The following GHRHR variants were observed in gnomAD, a reference collection of about 807,000 sequenced individuals.
GHRHR encodes growth hormone-releasing hormone receptor.
In GHRHR, 40 loss-of-function variants were observed where a neutral mutation model predicts 58.3. The observed-to-expected ratio is 0.69, with a 90% CI of 0.53 to 0.89. The LOEUF is 0.89. GHRHR is among the 40% of genes least tolerant of loss of function. GHRHR has a pLI of 0.00. For missense variants in GHRHR, 551 were observed against 541.3 expected, an observed-to-expected ratio of 1.02 and a Z score of -0.18; for synonymous variants, 249 against 216.6, an observed-to-expected ratio of 1.15 and a Z score of -1.31.
chr7:30,979,114 T>G lies in GHRHR; in HGVS notation c.1147-5T>G. On this transcript the variant is annotated splice_polypyrimidine_tract_variant and splice_region_variant and intron_variant, in intron 12 of 12. Coordinates refer to ENST00000326139, the MANE Select transcript of GHRHR (RefSeq NM_000823.4). ...TTCCTAACGTCCTCTTCCTTGTCCCTGGAGGTGAGGACTGAGATCTCACGG... is the reference window on the plus strand; with the variant it reads ...TTCCTAACGTCCTCTTCCTTGTCCCGGGAGGTGAGGACTGAGATCTCACGG... 1 of 1,613,494 alleles carries G rather than the reference T, an allele frequency of 6.2e-7. No homozygotes were observed. Among genetic ancestry groups the G allele is most frequent in the African/African-American group, 1.3e-5 (1 of 75,042 alleles).
chr7:30,975,926 G>A (rs1792568245), intron 10 of GHRHR, 58 bp downstream of exon 10: 3 of 956,196 alleles, frequency 3.1e-6, no homozygotes, highest in East Asian at 2.4e-5. Flanking sequence ...GGGATTCAAT[G>A]TGTCTGTCTC....
At chr7:30,978,992 G>A in intron 12 of GHRHR, 127 bp from the exon 13 acceptor site, 1 of 879,778 alleles carries the variant, frequency 1.1e-6, no homozygotes, top group South Asian at 1.3e-5. Context: ...CTGTTGCCAA[G>A]CATGACTTTT....
chr7:30,976,658 A>T (rs1792591070), intron 11 of GHRHR, 100 bp downstream of exon 11: 1 of 971,958 alleles, frequency 1.0e-6, no homozygotes, highest in Admixed American at 2.0e-5. Flanking sequence ...GGTGAGGGCT[A>T]TGTTTTTCAT....
At chr7:30,973,399 T>C (rs1032464688) in intron 6 of GHRHR, among the ~76,000 whole-genome samples, 2 of 152,244 alleles carry the variant, frequency 1.3e-5, no homozygotes, top group Admixed American at 6.5e-5. Context: ...AGCATCACTT[T>C]AATCCCATTT....
rs761056409 is a variant in GHRHR at position 30,969,054 on chromosome 7, T to C, written c.161-9T>C. ...GCTGAGTCTCTGCTGCTCCTGGCTC[T>C]CTATCCAGGCTGCCCTGCGACCTGG... On this transcript the variant is annotated splice_polypyrimidine_tract_variant and intron_variant, in intron 2 of 12. Coordinates refer to ENST00000326139, the MANE Select transcript of GHRHR (RefSeq NM_000823.4). The C allele has an allele frequency of 6.4e-7, 1 of 1,573,996 alleles. No homozygotes were observed. Among genetic ancestry groups the C allele is most frequent in the South Asian group, 1.2e-5 (1 of 86,284 alleles).
At chr7:30,971,061 C>G (rs1584413105) in intron 4 of GHRHR, 58 bp from the exon 5 acceptor site, 2 of 781,730 alleles carry the variant, frequency 2.6e-6, no homozygotes, top group East Asian at 5.3e-5. Flanking sequence ...ATTGTCAAGC[C>G]TCTCTTTCCT....
chr7:30,964,220 C>T, intron 1 of GHRHR, 95 bp downstream of exon 1: 1 of 1,106,396 alleles, frequency 9.0e-7, no homozygotes, highest in Non-Finnish European at 1.3e-6. Flanking sequence ...CCCTACTGCC[C>T]TTCTCCTGCT....
rs146944568 is a variant in GHRHR, at chr7:30,975,779, G to T, written c.885G>T (p.Val295=). Reference sequence around the variant, plus strand: ...CCTTCCTATGCCTCTATTTCCAGGTGAACTTTGGGCTTTTTCTCAATATTA... The same window carrying T: ...CCTTCCTATGCCTCTATTTCCAGGTTAACTTTGGGCTTTTTCTCAATATTA... ...IKGPIVLSVG[V]NFGLFLNIIR... The change falls in exon 10 of 13, where the codon GTG becomes GTT. Residue 295 remains valine, a splice_region_variant and synonymous_variant. Transcript: ENST00000326139. 7.8e-5 allele frequency: 125 copies of T among 1,603,448 alleles called. No homozygotes were observed. The highest frequency in any genetic ancestry group is 9.6e-5 in the Non-Finnish European group (112 of 1,170,420).
intron 4 of GHRHR, among the ~76,000 whole-genome samples, chr7:30,970,421 C>T (rs1303056558): frequency 6.6e-6 from 1 of 152,242 alleles, no homozygotes; most frequent in Non-Finnish European, 1.5e-5. Context: ...ACACCGCACA[C>T]TTGTGTATCC....
chr7:30,966,704 A>G (rs1394307226), intron 1 of GHRHR, among the ~76,000 whole-genome samples: 2 of 151,634 alleles, frequency 1.3e-5, no homozygotes, highest in Admixed American at 6.6e-5. Context: ...GTACAGTGGC[A>G]CAATCTCAGC....
rs375674796 is a variant in GHRHR at position 30,975,037 on chromosome 7, C to T, written c.879C>T (p.Val293=). Residue 293 remains valine, a synonymous_variant, in exon 9 of 13, where the codon GTC becomes GTT. Transcript: ENST00000326139. ...WIIKGPIVLS[V]GVNFGLFLNI... is the part of the protein sequence containing the mutation. ...TCAAAGGGCCCATTGTCCTCTCGGTCGGGGTCAGTCCCTGGGCCAGTGCCC... is the reference window on the plus strand; with the variant it reads ...TCAAAGGGCCCATTGTCCTCTCGGTTGGGGTCAGTCCCTGGGCCAGTGCCC... The T allele has an allele frequency of 4.3e-5, 69 of 1,607,510 alleles. No individual in the cohort carries two copies. Among genetic ancestry groups the T allele is most frequent in the South Asian group, 3.6e-4 (33 of 90,970 alleles).
In GHRHR at chr7:30,974,153, C is replaced by G. The variant is rs769347579; in HGVS notation, c.751+15C>G. ...CGCTGGCTGGGGTGAGCACTGAGGG[C>G]GGGTTGGGCACCATGGGGAGGTAAA... is the stretch of plus-strand genomic sequence containing the variant. On this transcript the variant is annotated intron_variant, in intron 7 of 12. Coordinates refer to ENST00000326139, the MANE Select transcript of GHRHR (RefSeq NM_000823.4). 17 of 1,612,154 alleles carry G rather than the reference C, an allele frequency of 1.1e-5. No individual in the cohort carries two copies. The highest frequency in any genetic ancestry group is 1.4e-5 in the Non-Finnish European group (17 of 1,178,898).
At position 30,976,688 on chromosome 7, in the gene GHRHR, T is replaced by C; in HGVS notation, c.1104+130T>C. The C allele has an allele frequency of 6.4e-6, 5 of 775,738 alleles. No individual in the cohort carries two copies. The Admixed American group carries it at 1.1e-4, about 17-fold the overall frequency. The allele number at this position is 775,738 out of a possible 1,614,324, so 48.1% of individuals were successfully genotyped here. A position where few individuals can be genotyped will look rare whatever the true frequency, so the allele number is the denominator to read the frequency against. Reference sequence around the variant, plus strand: ...TTTCATCCATCTATTCAAATATCTGTCTGTCTGTCCATCTTCCAGCCACCC... The same window carrying C: ...TTTCATCCATCTATTCAAATATCTGCCTGTCTGTCCATCTTCCAGCCACCC... On this transcript the variant is annotated intron_variant, in intron 11 of 12. Coordinates refer to ENST00000326139, the MANE Select transcript of GHRHR (RefSeq NM_000823.4).
chr7:30,971,892 C>T (rs548304326), intron 5 of GHRHR, 71 bp from the exon 6 acceptor site: 19 of 1,424,560 alleles, frequency 1.3e-5, no homozygotes, highest in Non-Finnish European at 1.8e-5. Context: ...CCCTGTTCAG[C>T]CCAGTTGCAG....
At chr7:30,967,625 C>G (rs1792384199) in intron 1 of GHRHR, among the ~76,000 whole-genome samples, 1 of 65,958 alleles carries the variant, frequency 1.5e-5, no homozygotes, top group African/African-American at 1.4e-4. Context: ...ACCTCCCCAG[C>G]CATATATTTG....
chr7:30,964,193 C>T, intron 1 of GHRHR, 68 bp downstream of exon 1: 5 of 1,370,128 alleles, frequency 3.6e-6, no homozygotes, highest in Non-Finnish European at 4.0e-6. Context: ...ACAGGGCCAA[C>T]TGGAGCCTGG....
In GHRHR at chr7:30,975,887, T is replaced by G; in HGVS notation, c.974+19T>G. The G allele has an allele frequency of 7.3e-7, 1 of 1,368,094 alleles. No individual in the cohort carries two copies. Among genetic ancestry groups the G allele is most frequent in the South Asian group, 1.2e-5 (1 of 86,072 alleles). The allele number at this position is 1,368,094 out of a possible 1,614,324, so 84.7% of individuals were successfully genotyped here. A position where few individuals can be genotyped will look rare whatever the true frequency, so the allele number is the denominator to read the frequency against. The stretch of plus-strand genomic sequence containing the variant: ...AGTATTGGTACTGTGTGTTTGTGTC[T>G]GGGGATACTGGGAAAGGGTAACTGG... On this transcript the variant is annotated intron_variant, in intron 10 of 12. Transcript: ENST00000326139.
chr7:30,971,973 T>A lies in GHRHR; in HGVS notation c.475T>A (p.Cys159Ser). ...TILVALRRLH[C>S]PRNYVHTQLF... ...TCCCATTACCCCCAGGAGGCTCCACTGCCCCCGGAACTACGTCCACACCCA... is the reference window on the plus strand; with the variant it reads ...TCCCATTACCCCCAGGAGGCTCCACAGCCCCCGGAACTACGTCCACACCCA... The change falls in exon 6 of 13, where the codon TGC (cysteine) becomes AGC (serine). Residue 159 changes from cysteine to serine, a missense_variant. By Grantham distance (112) the Cys-to-Ser change is moderately radical (BLOSUM62 -1). Coordinates refer to ENST00000326139, the MANE Select transcript of GHRHR (RefSeq NM_000823.4). 1.2e-6 allele frequency: 2 copies of A among 1,613,958 alleles called. No individual in the cohort carries two copies. The highest frequency in any genetic ancestry group is 1.7e-6 in the Non-Finnish European group (2 of 1,179,900).
intron 10 of GHRHR, chr7:30,976,096 A>T: frequency 3.4e-6 from 2 of 586,096 alleles, no homozygotes; most frequent in Non-Finnish European, 3.1e-6. Context: ...GAGTGCTGGG[A>T]TCAATTTCTA....
Sources: gnomAD v4.1 joint callset for allele counts (sites outside exome capture counted in the v4.1 genomes callset) on GRCh38, gnomAD v4.1.1 for gene constraint, MANE v1.5 for transcripts, NCBI Gene and HGNC (gene_info 2026-07-23, HGNC 2026-07-21) for gene names.